OPCML: variants seen among roughly 807,000 people sequenced by gnomAD.
The protein encoded by OPCML is opioid-binding protein/cell adhesion molecule.
In OPCML, 13 loss-of-function variants were observed where a neutral mutation model predicts 37.8. The ratio of observed to expected loss-of-function variants is 0.34; its 90% CI spans 0.22 to 0.55. The LOEUF (loss-of-function observed/expected upper bound fraction) is 0.55, where lower values mean the gene tolerates loss of function less well. Among genes scored for constraint, OPCML ranks in the 20% least tolerant of loss-of-function variants. The probability of loss-of-function intolerance (pLI) is 0.91; values close to 1 mark genes in which losing one functional copy is unlikely to be tolerated. For synonymous variants in OPCML, 176 were observed against 168.8 expected (o/e 1.04, Z -0.33); for missense variants, 341 against 435.6 (o/e 0.78, Z 1.93).
chr11:133,026,554 C>T (rs1450754536), intron 1 of OPCML: 1 of 985,308 alleles, frequency 1.0e-6, no homozygotes, highest in East Asian at 1.1e-4. Context: ...CCTTTCCAAA[C>T]ACCTAAATCT....
At chr11:133,133,469 C>T (rs1054486629) in intron 1 of OPCML, among the ~76,000 whole-genome samples, 10 of 152,288 alleles carry the variant, frequency 6.6e-5, no homozygotes, top group African/African-American at 1.4e-4. Flanking sequence ...CCCTCACCTT[C>T]GGGCTGCTCA....
rs187851475 is a variant in OPCML, at chr11:133,360,836, A to C, written c.61+171428T>G. The C allele has an allele frequency of 1.2e-4, 19 of 152,344 alleles. No homozygotes were observed. The East Asian group carries it at 3.7e-3, about 30-fold the overall frequency. 9.4% of individuals were successfully genotyped at this position (152,344 alleles called of 1,614,324 possible). A position where few individuals can be genotyped will look rare whatever the true frequency, so the allele number is the denominator to read the frequency against. On this transcript the variant is annotated intron_variant, in intron 1 of 7. Coordinates refer to ENST00000524381, the MANE Select transcript of OPCML (RefSeq NM_001012393.5). ...TCAGGCAGCTTGGCTAAGCAACTAA[A>C]CACCTCTCCACTCCCGTTTCCTTCT...
At chr11:133,428,774 CT>C (rs1946059209) in intron 1 of OPCML, among the ~76,000 whole-genome samples, 1 of 152,030 alleles carries the variant, frequency 6.6e-6, no homozygotes. Context: ...ATGAATGTCC[CT>C]GTATTATGAA....
At chr11:132,489,697 A>G (rs1243534633) in intron 4 of OPCML, among the ~76,000 whole-genome samples, 3 of 151,924 alleles carry the variant, frequency 2.0e-5, no homozygotes, top group Admixed American at 2.0e-4. Context: ...TTATACTTTA[A>G]GTTCTGGGGT....
chr11:133,004,033 C>T lies in OPCML; in HGVS notation c.62-61023G>A, dbSNP rs984033382. The stretch of plus-strand genomic sequence containing the variant: ...CGTCTCTCACCGCTCTGGAGTCAGG[C>T]GGAAATGCCAGCTGGGAAGGAGGAA... On this transcript the variant is annotated intron_variant, in intron 1 of 7. Transcript: ENST00000524381. 7.7e-5 allele frequency: 76 copies of T among 985,310 alleles called. 1 individual carries two copies. In the South Asian group the frequency reaches 2.4e-3, roughly 31 times the overall value. The allele number at this position is 985,310 out of a possible 1,614,324, so 61.0% of individuals were successfully genotyped here. A position where few individuals can be genotyped will look rare whatever the true frequency, so the allele number is the denominator to read the frequency against.
At chr11:132,499,237 C>T (rs569032854) in intron 4 of OPCML, among the ~76,000 whole-genome samples, 7 of 152,284 alleles carry the variant, frequency 4.6e-5, no homozygotes, top group East Asian at 3.9e-4. Context: ...GGAATAGGAA[C>T]GGCACCATGC....
intron 1 of OPCML, among the ~76,000 whole-genome samples, chr11:133,061,136 G>T (rs1234127415): frequency 6.6e-6 from 1 of 152,214 alleles, no homozygotes; most frequent in Non-Finnish European, 1.5e-5. Flanking sequence ...AAACTGCTAG[G>T]ATTACAAGAG....
chr11:132,665,610 T>C (rs980981005), intron 2 of OPCML, among the ~76,000 whole-genome samples: 4 of 152,024 alleles, frequency 2.6e-5, no homozygotes, highest in African/African-American at 9.7e-5. Context: ...GTAAAAGAAG[T>C]AAAGCGTAGG....
intron 1 of OPCML, among the ~76,000 whole-genome samples, chr11:133,327,523 G>T (rs1048742371): frequency 6.6e-6 from 1 of 151,998 alleles, no homozygotes; most frequent in Non-Finnish European, 1.5e-5. Flanking sequence ...CTCTGAAACA[G>T]CAGATCTCAA....
chr11:132,599,040 G>A (rs1384260000), intron 3 of OPCML, among the ~76,000 whole-genome samples: 1 of 152,134 alleles, frequency 6.6e-6, no homozygotes, highest in Non-Finnish European at 1.5e-5. Flanking sequence ...AGCACTTTGG[G>A]AGGCCAAGTT....
intron 1 of OPCML, among the ~76,000 whole-genome samples, chr11:133,122,098 G>A (rs1437304176): frequency 2.6e-5 from 4 of 152,124 alleles, no homozygotes; most frequent in Non-Finnish European, 5.9e-5. Flanking sequence ...AGCAACTTAG[G>A]AATAGTGTAA....
chr11:133,339,581 T>A (rs1943817932), intron 1 of OPCML, among the ~76,000 whole-genome samples: 1 of 152,178 alleles, frequency 6.6e-6, no homozygotes, highest in South Asian at 2.1e-4. Flanking sequence ...CTTTCTTCCA[T>A]CTGGCCTGCT....
chr11:132,827,397 C>T (rs1940417740), intron 2 of OPCML, among the ~76,000 whole-genome samples: 1 of 152,128 alleles, frequency 6.6e-6, no homozygotes, highest in Admixed American at 6.5e-5. Context: ...AAATTCAAAG[C>T]ATTGACAACA....
chr11:132,754,812 C>T (rs1231559120), intron 2 of OPCML, among the ~76,000 whole-genome samples: 2 of 152,060 alleles, frequency 1.3e-5, no homozygotes. Flanking sequence ...AAAGGAAGAC[C>T]TCAAGCAAAG....
At chr11:132,449,863 T>A (rs1347643036) in intron 4 of OPCML, among the ~76,000 whole-genome samples, 1 of 152,194 alleles carries the variant, frequency 6.6e-6, no homozygotes, top group African/African-American at 2.4e-5. Flanking sequence ...TTCCTGGCTC[T>A]TTTCATGAGG....
intron 1 of OPCML, among the ~76,000 whole-genome samples, chr11:133,509,100 A>G (rs1044698228): frequency 5.3e-5 from 8 of 152,132 alleles, no homozygotes; most frequent in African/African-American, 1.9e-4. Context: ...ATACATGTGC[A>G]GGACGTGCAG....
rs147530140 is a variant in OPCML, at chr11:132,743,907, C to A, written c.147-86588G>T. On this transcript the variant is annotated intron_variant, in intron 2 of 7. Coordinates refer to ENST00000524381, the MANE Select transcript of OPCML (RefSeq NM_001012393.5). ...CAAACTCAGATCGCATTCTAGCAGA[C>A]AAGACAGCATTAGAAGATTGTTCTC... Among the ~76,000 whole-genome samples the A allele has an allele frequency of 2.2e-3, 331 of 152,308 alleles. 1 individual carries two copies. Among genetic ancestry groups the A allele is most frequent in the Non-Finnish European group, 3.5e-3 (239 of 68,028 alleles).
chr11:133,481,195 T>C (rs1213397836), intron 1 of OPCML, among the ~76,000 whole-genome samples: 1 of 152,232 alleles, frequency 6.6e-6, no homozygotes, highest in Admixed American at 6.5e-5. Flanking sequence ...GAGACATTCA[T>C]TGAACAGCTT....
intron 2 of OPCML, among the ~76,000 whole-genome samples, chr11:132,828,324 A>G (rs1472601377): frequency 6.6e-6 from 1 of 152,164 alleles, no homozygotes; most frequent in Non-Finnish European, 1.5e-5. Context: ...GATACATGTC[A>G]TTACACATTT....
Sources: gnomAD v4.1 joint callset for allele counts (sites outside exome capture counted in the v4.1 genomes callset) on GRCh38, gnomAD v4.1.1 for gene constraint, MANE v1.5 for transcripts, NCBI Gene and HGNC (gene_info 2026-07-23, HGNC 2026-07-21) for gene names.